Variants in ANKIB1 observed in about 807,000 individuals in gnomAD.
The protein encoded by ANKIB1 is ankyrin repeat and IBR domain containing 1, also known as ankyrin repeat and IBR domain-containing protein 1.
A neutral mutation model predicts 122.1 loss-of-function variants in ANKIB1; 43 were observed. The ratio of observed to expected loss-of-function variants is 0.35; its 90% CI spans 0.28 to 0.45. The LOEUF (loss-of-function observed/expected upper bound fraction) is 0.45, where lower values mean the gene tolerates loss of function less well. Ranked by LOEUF, ANKIB1 falls within the 20% of genes least tolerant of loss-of-function variation. The pLI is 1.00. For synonymous variants in ANKIB1, 390 were observed against 442.0 expected (o/e 0.88, Z 1.48); for missense variants, 992 against 1,329.5 (o/e 0.75, Z 3.95).
chr7:92,364,309 C>CT (rs1279086667), intron 10 of ANKIB1, among the ~76,000 whole-genome samples: 2 of 64,340 alleles, frequency 3.1e-5, no homozygotes, highest in African/African-American at 7.1e-5. Context: ...AAGACTCCAT[C>CT]TAAAAAAAAA....
Position 92,319,425 on chromosome 7 carries a change from C to T in ANKIB1, c.582C>T (p.Ala194=), listed in dbSNP as rs1260824557. The change falls in exon 4 of 20, where the codon GCC becomes GCT. Residue 194 remains alanine (A), a synonymous_variant. Transcript: ENST00000265742. ...AAAAGCAACACCACAAAGATTTGGC[C>T]CTCAATCTGGAATCTCAAATGGTAT... ...CAEKQHHKDL[A]LNLESQMVFS... is the part of the protein sequence containing the mutation. The T allele has an allele frequency of 1.9e-6, 3 of 1,612,992 alleles. No homozygotes were observed. The highest frequency in any genetic ancestry group is 3.3e-5 in the Admixed American group (2 of 59,862).
intron 12 of ANKIB1, 95 bp from the exon 13 acceptor site, chr7:92,387,703 C>A: frequency 1.2e-6 from 1 of 807,812 alleles, no homozygotes; most frequent in Non-Finnish European, 2.0e-6. Context: ...GCACTACTAC[C>A]TATCACTAAT....
chr7:92,380,357 T>C (rs1804484497), intron 11 of ANKIB1, among the ~76,000 whole-genome samples: 1 of 152,182 alleles, frequency 6.6e-6, no homozygotes, highest in Non-Finnish European at 1.5e-5. Context: ...GATGTCCCTG[T>C]CCGACAGCTC....
chr7:92,351,354 CT>C (rs1157668914), intron 8 of ANKIB1, among the ~76,000 whole-genome samples: 2 of 152,084 alleles, frequency 1.3e-5, no homozygotes, highest in Non-Finnish European at 2.9e-5. Flanking sequence ...TTTATCAGAA[CT>C]TTTTATTAAT....
At chr7:92,355,597 C>T (rs1803784885) in intron 9 of ANKIB1, among the ~76,000 whole-genome samples, 1 of 151,952 alleles carries the variant, frequency 6.6e-6, no homozygotes, top group Non-Finnish European at 1.5e-5. Flanking sequence ...CGCCTGTAAT[C>T]CCAACACTTT....
intron 4 of ANKIB1, among the ~76,000 whole-genome samples, chr7:92,322,702 T>C (rs988758231): frequency 6.6e-6 from 1 of 152,172 alleles, no homozygotes; most frequent in Non-Finnish European, 1.5e-5. Context: ...AGTCAGAACA[T>C]ACAATCTACA....
chr7:92,322,589 AAAC>A lies in ANKIB1; in HGVS notation c.669+3079_669+3081del, dbSNP rs1802935160. On this transcript the variant is annotated intron_variant, in intron 4 of 19. Coordinates refer to ENST00000265742, the MANE Select transcript of ANKIB1 (RefSeq NM_019004.2). The stretch of plus-strand genomic sequence containing the variant: ...CTTAAGTGTACTACCAGACTTAAGC[AAAC>A]ATATATGTATATTGAATTTTTAATG... 2.6e-5 allele frequency among the ~76,000 whole-genome samples: 4 copies of A among 152,274 alleles called. No individual in the cohort carries two copies. The South Asian group carries it at 8.3e-4, about 32-fold the overall frequency.
intron 7 of ANKIB1, among the ~76,000 whole-genome samples, chr7:92,349,355 A>G (rs1803609258): frequency 1.3e-5 from 2 of 152,156 alleles, no homozygotes. Context: ...TTTTCTATGA[A>G]TTGCCCAGAC....
At chr7:92,342,421 A>T (rs2131975131) in intron 5 of ANKIB1, among the ~76,000 whole-genome samples, 1 of 152,318 alleles carries the variant, frequency 6.6e-6, no homozygotes, top group East Asian at 1.9e-4. Flanking sequence ...GGCAATTTTT[A>T]AAATGTTCAC....
chr7:92,268,856 A>G lies in ANKIB1; in HGVS notation c.-91+22337A>G, dbSNP rs139358405. The stretch of plus-strand genomic sequence containing the variant: ...TTTCCTTTCGGCTTGCATCTCATCT[A>G]GCTGTACCTTACGTTAAATTTTTGC... On this transcript the variant is annotated intron_variant, in intron 1 of 19. Transcript: ENST00000265742. 6.3e-3 allele frequency among the ~76,000 whole-genome samples: 958 copies of G among 152,294 alleles called. 6 individuals carry two copies. Among genetic ancestry groups the G allele is most frequent in the Non-Finnish European group, 8.6e-3 (585 of 68,022 alleles).
At chr7:92,374,672 A>C (rs991037347) in intron 11 of ANKIB1, among the ~76,000 whole-genome samples, 1 of 152,164 alleles carries the variant, frequency 6.6e-6, no homozygotes, top group Non-Finnish European at 1.5e-5. Context: ...CACCTTATTT[A>C]AACTAATACA....
At chr7:92,316,142 G>A (rs1802789503) in intron 3 of ANKIB1, among the ~76,000 whole-genome samples, 1 of 152,084 alleles carries the variant, frequency 6.6e-6, no homozygotes, top group African/African-American at 2.4e-5. Flanking sequence ...CACCAAGATA[G>A]GCTTAAAACC....
At position 92,398,490 on chromosome 7, in the gene ANKIB1, G is replaced by A. The variant is rs1461515254; in HGVS notation, c.2811G>A (p.Leu937=). 2.6e-5 allele frequency: 42 copies of A among 1,613,808 alleles called. No individual in the cohort carries two copies. The highest frequency in any genetic ancestry group is 3.5e-5 in the Non-Finnish European group (41 of 1,179,874). Residue 937 remains leucine, a synonymous_variant, in exon 20 of 20, where the codon CTG becomes CTA. Coordinates refer to ENST00000265742, the MANE Select transcript of ANKIB1 (RefSeq NM_019004.2). ...ATGACCCATTTTCAACTGACACCCT[G>A]AGCTCACACCCTCTCAGTGAGGCAA... The part of the protein sequence containing the change: ...AENDPFSTDT[L]SSHPLSEARS...
At chr7:92,252,066 C>T (rs1263221313) in intron 1 of ANKIB1, among the ~76,000 whole-genome samples, 1 of 152,148 alleles carries the variant, frequency 6.6e-6, no homozygotes. Context: ...GTTATGCATT[C>T]CTGGCAGTAA....
At chr7:92,319,545 T>G in intron 4 of ANKIB1, 33 bp downstream of exon 4, 1 of 1,573,446 alleles carries the variant, frequency 6.4e-7, no homozygotes, top group Non-Finnish European at 8.6e-7. Flanking sequence ...GTAAAAAAAT[T>G]ACATGTAATT....
At chr7:92,386,757 T>C (rs553972451) in intron 12 of ANKIB1, 114 bp downstream of exon 12, 1 of 1,014,490 alleles carries the variant, frequency 9.9e-7, no homozygotes, top group East Asian at 3.2e-5. Flanking sequence ...TGAATATACT[T>C]TATTATAGCC....
At chr7:92,302,729 A>G (rs1802482067) in intron 2 of ANKIB1, among the ~76,000 whole-genome samples, 3 of 152,218 alleles carry the variant, frequency 2.0e-5, no homozygotes, top group African/African-American at 7.2e-5. Flanking sequence ...ATTAGTTAAG[A>G]TAGAATTTCC....
intron 9 of ANKIB1, among the ~76,000 whole-genome samples, chr7:92,356,594 A>AT (rs374906890): frequency 3.2e-4 from 49 of 152,324 alleles, no homozygotes; most frequent in African/African-American, 1.1e-3. Context: ...AATCTGGGAG[A>AT]TACAGGACCT....
At chr7:92,328,904 CAT>C (rs1562783533) in intron 5 of ANKIB1, among the ~76,000 whole-genome samples, 2 of 147,822 alleles carry the variant, frequency 1.4e-5, no homozygotes, top group Admixed American at 1.4e-4. Context: ...ACCAAAAAAA[CAT>C]ATATATGGAA....
Sources: allele counts gnomAD v4.1 joint callset (sites outside exome capture counted in the v4.1 genomes callset), GRCh38; gene constraint gnomAD v4.1.1; transcripts MANE v1.5; gene names NCBI Gene and HGNC (gene_info 2026-07-23, HGNC 2026-07-21).